Variants in PIWIL3 observed in about 807,000 individuals in gnomAD.
PIWIL3 encodes piwi-like protein 3.
In PIWIL3, 101 loss-of-function variants were observed where a neutral mutation model predicts 109.7. That is an observed-to-expected ratio of 0.92 (90% CI 0.78 to 1.09). PIWIL3 has a LOEUF of 1.09. Ranked by LOEUF, PIWIL3 falls within the 50% of genes least tolerant of loss-of-function variation. The pLI is 0.00. For missense variants in PIWIL3, 1,031 were observed against 1,072.6 expected (o/e 0.96, Z 0.54); for synonymous variants, 373 against 376.4 (o/e 0.99, Z 0.10).
chr22:24,754,444 CAT>C (rs1473003517), intron 7 of PIWIL3, among the ~76,000 whole-genome samples: 1 of 152,128 alleles, frequency 6.6e-6, no homozygotes, highest in African/African-American at 2.4e-5. Flanking sequence ...TTATCTGTAA[CAT>C]AACTTATGTT....
chr22:24,757,879 C>CA, intron 4 of PIWIL3, 29 bp downstream of exon 4: 5 of 1,568,256 alleles, frequency 3.2e-6, no homozygotes, highest in Non-Finnish European at 4.3e-6. Context: ...CGAACAGCTC[C>CA]ATAAACATTG....
chr22:24,774,175 C>T (rs1926292918), intron 1 of PIWIL3, 147 bp downstream of exon 1: 1 of 152,178 alleles, frequency 6.6e-6, no homozygotes, highest in Non-Finnish European at 1.5e-5. Context: ...GTAACTTAGA[C>T]AAAGTATAGA....
At chr22:24,748,878 A>G (rs1924532397) in intron 12 of PIWIL3, 29 bp downstream of exon 12, 3 of 1,555,952 alleles carry the variant, frequency 1.9e-6, no homozygotes, top group Admixed American at 1.8e-5. Context: ...TGACCCCACC[A>G]TGACATGATG....
At chr22:24,761,430 G>A (rs1022951677) in intron 2 of PIWIL3, among the ~76,000 whole-genome samples, 2 of 151,622 alleles carry the variant, frequency 1.3e-5, no homozygotes, top group Non-Finnish European at 2.9e-5. Context: ...GAAGAGGCAA[G>A]TCTGAGGAGA....
At chr22:24,734,259 G>C in intron 13 of PIWIL3, 103 bp from the exon 14 acceptor site, 1 of 1,458,166 alleles carries the variant, frequency 6.9e-7, no homozygotes, top group Admixed American at 2.7e-5. Context: ...AAAATACCAA[G>C]ATATGCATTT....
At chr22:24,754,307 C>T (rs1170274687) in intron 7 of PIWIL3, 90 bp from the exon 8 acceptor site, 2 of 1,033,980 alleles carry the variant, frequency 1.9e-6, no homozygotes, top group Admixed American at 2.6e-5. Flanking sequence ...AAAATTGGTA[C>T]TTAGGAGTCA....
intron 14 of PIWIL3, among the ~76,000 whole-genome samples, chr22:24,730,419 C>T (rs918329953): frequency 1.4e-5 from 2 of 144,676 alleles, no homozygotes; most frequent in African/African-American, 2.6e-5. Context: ...AATTGGGTAA[C>T]GTGTTTAAGT....
intron 12 of PIWIL3, among the ~76,000 whole-genome samples, chr22:24,737,980 G>A (rs1166920993): frequency 2.0e-5 from 3 of 152,058 alleles, no homozygotes; most frequent in East Asian, 1.9e-4. Flanking sequence ...ATGAAACCCC[G>A]TCTTCTACTA....
At chr22:24,767,360 A>AC (rs1351272143) in intron 1 of PIWIL3, among the ~76,000 whole-genome samples, 1 of 143,686 alleles carries the variant, frequency 7.0e-6, no homozygotes, top group East Asian at 2.2e-4. Flanking sequence ...ACATGGTGAA[A>AC]CCCCGTCTCT....
rs757983793 is a variant in PIWIL3, at chr22:24,748,957, C to T, written c.1399G>A (p.Val467Ile). ...DLKFDTNFLSVPGRVLKNANI... is the reference protein window; with the variant it reads ...DLKFDTNFLSIPGRVLKNANI... ...GCGTTTTTCAAAACTCTTCCCGGGA[C>T]GGACAAAAAATTGGTATCAAATTTC... is the stretch of plus-strand genomic sequence containing the variant. The change falls in exon 12 of 21, where the codon GTC (valine) becomes ATC (isoleucine). Residue 467 changes from valine to isoleucine, a missense_variant. Physicochemically the swap from Val to Ile is conservative, Grantham distance 29. Coordinates refer to ENST00000616349, the MANE Select transcript of PIWIL3 (RefSeq NM_001255975.1). The T allele has an allele frequency of 2.2e-5, 35 of 1,613,310 alleles. No homozygotes were observed. The highest frequency in any genetic ancestry group is 1.4e-4 in the South Asian group (13 of 90,992).
rs140615218 is a variant in PIWIL3 at position 24,768,255 on chromosome 22, GT to G, written c.-22-5735del. 1.1e-4 allele frequency among the ~76,000 whole-genome samples: 16 copies of G among 147,658 alleles called. No individual in the cohort carries two copies. The East Asian group carries it at 1.6e-3, about 14-fold the overall frequency. ...TTTGTTGTTGTTGTTTGTTTTTTGT[GT>G]TTTTTTTTTCTTGAGATGGAGTCTT... On this transcript the variant is annotated intron_variant, in intron 1 of 20. Transcript: ENST00000616349.
chr22:24,763,148 C>CTT (rs11288934), intron 1 of PIWIL3, among the ~76,000 whole-genome samples: 6 of 141,698 alleles, frequency 4.2e-5, no homozygotes, highest in South Asian at 4.6e-4. Flanking sequence ...ACTTTTTTTT[C>CTT]TTTTTTTTTT....
intron 12 of PIWIL3, among the ~76,000 whole-genome samples, chr22:24,748,259 G>A (rs1924488539): frequency 6.6e-6 from 1 of 152,078 alleles, no homozygotes; most frequent in African/African-American, 2.4e-5. Context: ...GATAGAGTAG[G>A]ATGGTTACAG....
chr22:24,722,720 T>TTATC (rs1922746976), intron 19 of PIWIL3, among the ~76,000 whole-genome samples: 1 of 151,892 alleles, frequency 6.6e-6, no homozygotes, highest in Admixed American at 6.6e-5. Flanking sequence ...CTCCATCAAA[T>TTATC]AGATAGATAG....
chr22:24,765,223 A>G (rs1925717772), intron 1 of PIWIL3, among the ~76,000 whole-genome samples: 1 of 152,172 alleles, frequency 6.6e-6, no homozygotes, highest in Non-Finnish European at 1.5e-5. Context: ...GTCCGATTAT[A>G]TTGGTGTGTT....
At chr22:24,755,349 C>T (rs1490907462) in intron 6 of PIWIL3, among the ~76,000 whole-genome samples, 2 of 152,308 alleles carry the variant, frequency 1.3e-5, no homozygotes, top group Non-Finnish European at 2.9e-5. Context: ...TCTGGAACTC[C>T]TAACCTCAAA....
chr22:24,727,898 A>G (rs1923089103), intron 16 of PIWIL3, 52 bp downstream of exon 16: 7 of 1,413,086 alleles, frequency 5.0e-6, no homozygotes, highest in Non-Finnish European at 4.9e-6. Context: ...CATCTTTTCT[A>G]TTTGGTCCAC....
chr22:24,749,946 C>G (rs1238368398), intron 9 of PIWIL3, 127 bp from the exon 10 acceptor site: 1 of 1,282,442 alleles, frequency 7.8e-7, no homozygotes, highest in African/African-American at 1.5e-5. Context: ...ATATAGGTTC[C>G]CCAAGTTTAA....
chr22:24,762,475 C>A lies in PIWIL3; in HGVS notation c.25G>T (p.Ala9Ser), dbSNP rs142527423. 6.2e-7 allele frequency: 1 copy of A among 1,613,628 alleles called. No individual in the cohort carries two copies. The highest frequency in any genetic ancestry group is 8.5e-7 in the Non-Finnish European group (1 of 1,179,864). ...TCCCTGCGGCGGGCTCTGCCTCGGG[C>A]GCGAGTCCTTGCCCTACCAGGCATT... MPGRARTR[A>S]RGRARRRESY... The change falls in exon 2 of 21, where the codon GCC becomes TCC. Residue 9 changes from alanine (A) to serine (S), a missense_variant. Ala to Ser is a moderately conservative substitution (Grantham distance 99). Transcript: ENST00000616349.
Sources: allele counts gnomAD v4.1 joint callset (sites outside exome capture counted in the v4.1 genomes callset), GRCh38; gene constraint gnomAD v4.1.1; transcripts MANE v1.5; gene names NCBI Gene and HGNC (gene_info 2026-07-23, HGNC 2026-07-21).